The following GPR149 variants were observed in gnomAD, a reference collection of about 807,000 sequenced individuals.
GPR149 encodes the protein G protein-coupled receptor 149.
GPR149 carries 50 observed loss-of-function variants against 50.2 expected under a neutral mutation model. The observed-to-expected ratio is 1.00, with a 90% CI of 0.79 to 1.26. GPR149 has a LOEUF of 1.26. Among genes scored for constraint, GPR149 ranks in the 50% most tolerant of loss-of-function variants. The probability of loss-of-function intolerance (pLI) is 0.00; values close to 1 mark genes in which losing one functional copy is unlikely to be tolerated. For missense variants in GPR149, 983 were observed against 895.4 expected, an observed-to-expected ratio of 1.10 and a Z score of -1.25; for synonymous variants, 405 against 358.2, an observed-to-expected ratio of 1.13 and a Z score of -1.48.
At chr3:154,356,052 G>T (rs944646192) in intron 3 of GPR149, among the ~76,000 whole-genome samples, 2 of 152,176 alleles carry the variant, frequency 1.3e-5, no homozygotes, top group African/African-American at 4.8e-5. Context: ...GGGTAGAGGA[G>T]GCTAGTGACA....
intron 2 of GPR149, among the ~76,000 whole-genome samples, chr3:154,425,048 A>G (rs1291182067): frequency 1.3e-5 from 2 of 151,920 alleles, no homozygotes; most frequent in African/African-American, 4.8e-5. Context: ...GAGAAGCAAA[A>G]CAAAACAAAA....
At chr3:154,398,893 G>A (rs766565069) in intron 3 of GPR149, among the ~76,000 whole-genome samples, 1 of 152,050 alleles carries the variant, frequency 6.6e-6, no homozygotes, top group Non-Finnish European at 1.5e-5. Flanking sequence ...TCAAATTAAC[G>A]TACAAAATGA....
At chr3:154,379,365 T>G (rs570632497) in intron 3 of GPR149, among the ~76,000 whole-genome samples, 1 of 152,154 alleles carries the variant, frequency 6.6e-6, no homozygotes, top group East Asian at 1.9e-4. Flanking sequence ...GAGCACAAAG[T>G]TATTTGTTTA....
intron 3 of GPR149, 24 bp downstream of exon 3, chr3:154,421,015 C>T: frequency 6.6e-7 from 1 of 1,521,348 alleles, no homozygotes; most frequent in Non-Finnish European, 8.9e-7. Context: ...TTCAATTTAA[C>T]AGCAAGAACA....
chr3:154,421,518 C>T (rs749405830), intron 2 of GPR149, 31 bp from the exon 3 acceptor site: 2 of 1,218,100 alleles, frequency 1.6e-6, no homozygotes, highest in South Asian at 1.5e-5. Context: ...CAGTTTATGG[C>T]TAGTAAGGTA....
chr3:154,380,731 C>A (rs2108406418), intron 3 of GPR149, among the ~76,000 whole-genome samples: 1 of 152,008 alleles, frequency 6.6e-6, no homozygotes, highest in African/African-American at 2.4e-5. Context: ...AAATGAAAAC[C>A]TACTAGCTTA....
intron 3 of GPR149, among the ~76,000 whole-genome samples, chr3:154,404,416 C>A (rs1188265722): frequency 1.3e-5 from 2 of 152,038 alleles, no homozygotes; most frequent in Non-Finnish European, 2.9e-5. Flanking sequence ...AATATAAGTT[C>A]TCTGTTATAT....
At chr3:154,348,261 C>T (rs1713981652) in intron 3 of GPR149, among the ~76,000 whole-genome samples, 1 of 152,110 alleles carries the variant, frequency 6.6e-6, no homozygotes, top group Non-Finnish European at 1.5e-5. Flanking sequence ...CAGCAGATTC[C>T]TCTGCAGTAG....
intron 3 of GPR149, chr3:154,353,990 T>C (rs1714153093): frequency 1.3e-5 from 6 of 478,684 alleles, no homozygotes; most frequent in South Asian, 2.0e-5. Flanking sequence ...AGTAGAACTA[T>C]CTAAGGATGA....
At chr3:154,342,103 C>A (rs895437431) in intron 3 of GPR149, among the ~76,000 whole-genome samples, 6 of 152,040 alleles carry the variant, frequency 3.9e-5, no homozygotes, top group East Asian at 1.9e-4. Context: ...GTGAATAAGA[C>A]CTTTCCAAAT....
At chr3:154,362,257 C>G (rs979734995) in intron 3 of GPR149, among the ~76,000 whole-genome samples, 6 of 143,312 alleles carry the variant, frequency 4.2e-5, no homozygotes, top group Admixed American at 7.1e-5. Context: ...CCACTGCACT[C>G]CAGCCTGGGC....
chr3:154,417,862 G>GT (rs1411994820), intron 3 of GPR149, among the ~76,000 whole-genome samples: 2 of 152,014 alleles, frequency 1.3e-5, no homozygotes, highest in Non-Finnish European at 2.9e-5. Flanking sequence ...TCCTCATAAG[G>GT]TTTTCAGTCC....
chr3:154,396,617 C>T (rs1715299622), intron 3 of GPR149, among the ~76,000 whole-genome samples: 1 of 151,660 alleles, frequency 6.6e-6, no homozygotes, highest in Non-Finnish European at 1.5e-5. Flanking sequence ...TAAATGTAAA[C>T]AAAATATGAT....
chr3:154,378,452 T>G (rs1327806225), intron 3 of GPR149, among the ~76,000 whole-genome samples: 1 of 152,176 alleles, frequency 6.6e-6, no homozygotes, highest in Non-Finnish European at 1.5e-5. Flanking sequence ...ACTTACAATC[T>G]TTGGCTGTTA....
chr3:154,342,304 A>G (rs1713816471), intron 3 of GPR149, among the ~76,000 whole-genome samples: 1 of 152,244 alleles, frequency 6.6e-6, no homozygotes, highest in South Asian at 2.1e-4. Context: ...CTCAACCAGT[A>G]AGATAAACAA....
chr3:154,341,437 A>T (rs1713798685), intron 3 of GPR149, among the ~76,000 whole-genome samples: 2 of 149,738 alleles, frequency 1.3e-5, no homozygotes, highest in Middle Eastern at 3.5e-3. Flanking sequence ...TAGAGAGTTT[A>T]GTAAGGTGGC....
rs180871237 is a variant in GPR149 at position 154,353,064 on chromosome 3, T to C, written c.1624-14793A>G. The C allele has an allele frequency of 1.4e-4, 197 of 1,413,624 alleles. No individual in the cohort carries two copies. In the African/African-American group the frequency reaches 2.6e-3, roughly 18 times the overall value. 87.6% of individuals were successfully genotyped at this position (1,413,624 alleles called of 1,614,324 possible). Reference sequence around the variant, plus strand: ...TTTTAGTGTAATTTCTCTTTGTGACTGTGCAATATCCCCATGTAAACACTG... The same window carrying C: ...TTTTAGTGTAATTTCTCTTTGTGACCGTGCAATATCCCCATGTAAACACTG... On this transcript the variant is annotated intron_variant, in intron 3 of 3. Transcript: ENST00000389740.
At chr3:154,349,477 A>T (rs1375943553) in intron 3 of GPR149, among the ~76,000 whole-genome samples, 1 of 152,200 alleles carries the variant, frequency 6.6e-6, no homozygotes, top group Admixed American at 6.5e-5. Context: ...TTACACATTC[A>T]AATTTGACAA....
intron 3 of GPR149, among the ~76,000 whole-genome samples, chr3:154,340,758 G>A (rs897988715): frequency 3.9e-5 from 6 of 152,198 alleles, no homozygotes; most frequent in Non-Finnish European, 5.9e-5. Context: ...GTCTTGCTCT[G>A]TTACCCAGGC....
Sources: gnomAD v4.1 joint callset for allele counts (sites outside exome capture counted in the v4.1 genomes callset) on GRCh38, gnomAD v4.1.1 for gene constraint, MANE v1.5 for transcripts, NCBI Gene and HGNC (gene_info 2026-07-23, HGNC 2026-07-21) for gene names.